The following CD163L1 variants were observed in gnomAD, a reference collection of about 807,000 sequenced individuals.
CD163L1 encodes the protein CD163 molecule like 1.
CD163L1 carries 124 observed loss-of-function variants against 165.4 expected under a neutral mutation model. The observed-to-expected ratio is 0.75, with a 90% CI of 0.65 to 0.87. The LOEUF is 0.87. Ranked by LOEUF, CD163L1 falls within the 40% of genes least tolerant of loss-of-function variation. The probability of loss-of-function intolerance (pLI) is 0.00; values close to 1 mark genes in which losing one functional copy is unlikely to be tolerated. For synonymous variants in CD163L1, 585 were observed against 662.2 expected (o/e 0.88, Z 1.79); for missense variants, 1,525 against 1,799.9 (o/e 0.85, Z 2.76).
At position 7,375,581 on chromosome 12, in the gene CD163L1, G is replaced by A. The variant is rs750050397; in HGVS notation, c.2701C>T (p.Arg901Ter). 6.2e-6 allele frequency: 10 copies of A among 1,612,508 alleles called. No homozygotes were observed. The highest frequency in any genetic ancestry group is 1.7e-5 in the Admixed American group (1 of 60,008). Reference protein sequence around the residue: ...GVVCSRYTDVRLVNGKSQCDG... With the variant: ...GVVCSRYTDV ...CACTGGGATTTGCCATTCACAAGTC[G>A]GACATCTGTATATCCTAGGAGGAGA... is the stretch of plus-strand genomic sequence containing the variant. Residue 901 changes from arginine (R) to a stop codon, truncating the protein, a stop_gained, in exon 11 of 20, where the codon CGA becomes TGA. Transcript: ENST00000313599. LOFTEE classifies it high-confidence loss of function.
rs1947886400 is a variant in CD163L1 at position 7,400,010 on chromosome 12, A to G, written c.1409-1426T>C. On this transcript the variant is annotated intron_variant, in intron 6 of 19. Transcript: ENST00000313599. The surrounding 1 kb of genome is among the most constrained non-coding windows in gnomAD (Gnocchi z 4.1). ...TCTTTACTTGCTATCCAGTATGACA[A>G]CTCTTCCATGTGTATATAATAATCT... Among the ~76,000 whole-genome samples, 3 of 152,024 alleles carry G rather than the reference A, an allele frequency of 2.0e-5. No individual in the cohort carries two copies. In the South Asian group the frequency reaches 6.2e-4, roughly 31 times the overall value.
rs1565821856 is a variant in CD163L1, at chr12:7,440,118, C to T, written c.124+1036G>A. ...AGCCGACCAATGGCGGGCTTGGACCCGCCGCGCCAGCGTGGCCACGTCCCG... is the reference window on the plus strand; with the variant it reads ...AGCCGACCAATGGCGGGCTTGGACCTGCCGCGCCAGCGTGGCCACGTCCCG... On this transcript the variant is annotated intron_variant, in intron 2 of 19. Transcript: ENST00000313599. The T allele has an allele frequency of 4.0e-6, 3 of 753,292 alleles. No homozygotes were observed. In the East Asian group the frequency reaches 8.1e-5, roughly 20 times the overall value. The allele number at this position is 753,292 out of a possible 1,614,324, so 46.7% of individuals were successfully genotyped here. A position where few individuals can be genotyped will look rare whatever the true frequency, so the allele number is the denominator to read the frequency against.
At chr12:7,376,122 A>G (rs1947268762) in intron 9 of CD163L1, 108 bp from the exon 10 acceptor site, 1 of 926,670 alleles carries the variant, frequency 1.1e-6, no homozygotes, top group Non-Finnish European at 1.6e-6. Context: ...TCATCATTAG[A>G]ACATCCCATT....
chr12:7,375,202 A>G (rs1947238557), intron 11 of CD163L1, 79 bp downstream of exon 11: 1 of 1,435,426 alleles, frequency 7.0e-7, no homozygotes, highest in Admixed American at 1.9e-5. Context: ...TTTCTTACTC[A>G]TCTTTCCTTT....
chr12:7,375,823 C>T lies in CD163L1; in HGVS notation c.2563G>A (p.Gly855Ser), dbSNP rs752113572. The change falls in exon 10 of 20, where the codon GGT becomes AGT. Residue 855 changes from glycine to serine, a missense_variant. Transcript: ENST00000313599. Reference sequence around the variant, plus strand: ...TGGAACTTTTCGGCCCAAGTTAGACCATTCCCTTTTCCAAAGTGATCTCCC... The same window carrying T: ...TGGAACTTTTCGGCCCAAGTTAGACTATTCCCTTTTCCAAAGTGATCTCCC... ...SVGDHFGKGN[G>S]LTWAEKFQCE... 1.2e-6 allele frequency: 2 copies of T among 1,614,224 alleles called. No individual in the cohort carries two copies. The highest frequency in any genetic ancestry group is 1.1e-5 in the South Asian group (1 of 91,084).
chr12:7,356,413 A>G (rs996131333), intron 19 of CD163L1, among the ~76,000 whole-genome samples: 4 of 152,074 alleles, frequency 2.6e-5, no homozygotes, highest in Non-Finnish European at 5.9e-5. Flanking sequence ...TTGAGAAAAA[A>G]CGGAGAAACT....
downstream of CD163L1, among the ~76,000 whole-genome samples, chr12:7,353,758 T>C (rs191675196): frequency 6.6e-6 from 1 of 152,200 alleles, no homozygotes; most frequent in Admixed American, 6.6e-5. Context: ...GTTCTTTCAA[T>C]ATTTTTTAAC....
At chr12:7,420,888 T>C (rs1751201907) in intron 4 of CD163L1, among the ~76,000 whole-genome samples, 2 of 150,302 alleles carry the variant, frequency 1.3e-5, no homozygotes, top group Non-Finnish European at 3.0e-5. Flanking sequence ...GAAAAAGGTA[T>C]TTGCACATGC....
intron 8 of CD163L1, among the ~76,000 whole-genome samples, chr12:7,393,326 T>C (rs1317164686): frequency 6.6e-6 from 1 of 152,096 alleles, no homozygotes; most frequent in East Asian, 1.9e-4. Context: ...AAAAACCACA[T>C]GATTATCTCA....
chr12:7,389,015 A>G (rs887254537), intron 8 of CD163L1, among the ~76,000 whole-genome samples: 2 of 152,194 alleles, frequency 1.3e-5, no homozygotes, highest in Non-Finnish European at 2.9e-5. Context: ...GTTGATGGAC[A>G]CTTAGATTGC....
the CD163L1 span, among the ~76,000 whole-genome samples, chr12:7,319,631 T>C: frequency 6.7e-6 from 1 of 148,658 alleles, no homozygotes. Context: ...GAAGCTTCGC[T>C]CACCTTGCCC....
the CD163L1 span, among the ~76,000 whole-genome samples, chr12:7,319,042 A>G: frequency 5.3e-5 from 8 of 152,234 alleles, no homozygotes; most frequent in African/African-American, 1.9e-4. Context: ...TTATTAAATT[A>G]TAATGTATAA....
In CD163L1 at chr12:7,398,205, C is replaced by T; in HGVS notation, c.1729+59G>A. ...AAGCCAGTTTATAGACCCAGAAGCC[C>T]TTCCTATGAGGAATACTATTTCTCT... On this transcript the variant is annotated intron_variant, in intron 7 of 19. Transcript: ENST00000313599. The surrounding 1 kb of genome is among the most constrained non-coding windows in gnomAD (Gnocchi z 4.5). 1.3e-6 allele frequency: 2 copies of T among 1,503,022 alleles called. No homozygotes were observed. Among genetic ancestry groups the T allele is most frequent in the Middle Eastern group, 1.8e-4 (1 of 5,650 alleles). 93.1% of individuals were successfully genotyped at this position (1,503,022 alleles called of 1,614,324 possible).
chr12:7,362,575 C>A (rs1946925151), intron 18 of CD163L1, among the ~76,000 whole-genome samples: 1 of 141,366 alleles, frequency 7.1e-6, no homozygotes, highest in South Asian at 2.2e-4. Flanking sequence ...TAATTTATAG[C>A]ATATCATATT....
At chr12:7,417,741 C>T (rs1348560227) in intron 4 of CD163L1, among the ~76,000 whole-genome samples, 2 of 151,858 alleles carry the variant, frequency 1.3e-5, no homozygotes, top group Non-Finnish European at 2.9e-5. Flanking sequence ...TTGAATCAGC[C>T]TTGCATCCTA....
At chr12:7,388,654 G>T (rs1591911844) in intron 8 of CD163L1, among the ~76,000 whole-genome samples, 2 of 151,508 alleles carry the variant, frequency 1.3e-5, no homozygotes, top group Admixed American at 6.6e-5. Flanking sequence ...TGAGGTGGGA[G>T]GATTGCTTGA....
intron 4 of CD163L1, among the ~76,000 whole-genome samples, chr12:7,421,491 ACATATATG>A (rs1172613939): frequency 6.0e-5 from 7 of 116,436 alleles, no homozygotes; most frequent in Admixed American, 8.5e-5. Flanking sequence ...GTACATATAT[ACATATATG>A]TACATATACA....
At chr12:7,332,037 A>C in the CD163L1 span, among the ~76,000 whole-genome samples, 1 of 152,204 alleles carries the variant, frequency 6.6e-6, no homozygotes, top group Non-Finnish European at 1.5e-5. Context: ...AACCTTGAAA[A>C]AAAATTAGAT....
chr12:7,354,160 G>A (rs1946732088), downstream of CD163L1, among the ~76,000 whole-genome samples: 1 of 151,956 alleles, frequency 6.6e-6, no homozygotes, highest in Non-Finnish European at 1.5e-5. Flanking sequence ...CTTATTTAGG[G>A]TCTTAAAGAT....
Sources: allele counts gnomAD v4.1 joint callset (sites outside exome capture counted in the v4.1 genomes callset), GRCh38; gene constraint gnomAD v4.1.1; non-coding constraint Gnocchi (gnomAD v3.1); transcripts MANE v1.5; gene names NCBI Gene and HGNC (gene_info 2026-07-23, HGNC 2026-07-21).